SPON1: variants seen among roughly 807,000 people sequenced by gnomAD.
SPON1 encodes the protein spondin-1.
A neutral mutation model predicts 111.7 loss-of-function variants in SPON1; 52 were observed. That is an observed-to-expected ratio of 0.47 (90% CI 0.37 to 0.59). The LOEUF is 0.59. Ranked by LOEUF, SPON1 falls within the 20% of genes least tolerant of loss-of-function variation. SPON1 has a pLI of 0.00. For missense variants in SPON1, 957 were observed against 1,068.5 expected (o/e 0.90, Z 1.46); for synonymous variants, 410 against 395.8 (o/e 1.04, Z -0.43).
chr11:13,993,781 A>G (rs1848250154), intron 2 of SPON1, among the ~76,000 whole-genome samples: 1 of 152,378 alleles, frequency 6.6e-6, no homozygotes, highest in South Asian at 2.1e-4. Context: ...AACTATGAAC[A>G]GGACAGAGCA....
chr11:14,245,015 G>A (rs1443304036), intron 7 of SPON1, among the ~76,000 whole-genome samples: 4 of 152,142 alleles, frequency 2.6e-5, no homozygotes, highest in Non-Finnish European at 5.9e-5. Flanking sequence ...GATGGTTTAC[G>A]AAGAAGCCTT....
At chr11:14,065,044 A>G (rs1158888376) in intron 3 of SPON1, among the ~76,000 whole-genome samples, 2 of 152,128 alleles carry the variant, frequency 1.3e-5, no homozygotes, top group Non-Finnish European at 2.9e-5. Flanking sequence ...ATGGTCTATG[A>G]GGTCCTAGCT....
intron 5 of SPON1, among the ~76,000 whole-genome samples, chr11:14,132,999 A>G (rs1847545051): frequency 1.3e-5 from 2 of 152,348 alleles, no homozygotes; most frequent in South Asian, 4.1e-4. Context: ...AAGTAATTGA[A>G]TTTAACCAAG....
intron 4 of SPON1, among the ~76,000 whole-genome samples, chr11:14,076,610 T>C (rs1366300345): frequency 1.3e-5 from 2 of 152,186 alleles, no homozygotes; most frequent in Non-Finnish European, 2.9e-5. Context: ...AGGCTGGGTT[T>C]GAAGTCAGGA....
At chr11:13,980,889 T>C (rs146641235) in intron 1 of SPON1, among the ~76,000 whole-genome samples, 2 of 152,298 alleles carry the variant, frequency 1.3e-5, no homozygotes, top group South Asian at 2.1e-4. Flanking sequence ...GATTTTATGA[T>C]CTTAGGTGTG....
At chr11:13,969,985 T>C (rs900625986) in intron 1 of SPON1, among the ~76,000 whole-genome samples, 1 of 152,240 alleles carries the variant, frequency 6.6e-6, no homozygotes, top group Non-Finnish European at 1.5e-5. Flanking sequence ...CTCAGGCACA[T>C]GCATGCATTG....
chr11:14,025,413 G>A (rs1163476573), intron 2 of SPON1, among the ~76,000 whole-genome samples: 1 of 152,224 alleles, frequency 6.6e-6, no homozygotes, highest in African/African-American at 2.4e-5. Context: ...CCAAAAGTAA[G>A]CAAGGTAGAA....
chr11:14,077,767 G>A (rs1307129410), intron 4 of SPON1, among the ~76,000 whole-genome samples: 2 of 151,504 alleles, frequency 1.3e-5, no homozygotes, highest in Non-Finnish European at 2.9e-5. Context: ...TTACAGGCAT[G>A]AGCTACCGTG....
intron 6 of SPON1, among the ~76,000 whole-genome samples, chr11:14,173,607 C>T (rs12578038): frequency 0.18 from 26,974 of 151,970 alleles, 2,523 homozygotes; most frequent in Admixed American, 0.24. Flanking sequence ...CTCTGTTTTT[C>T]CCCCATCTTT....
chr11:14,178,995 C>T (rs1371384420), intron 6 of SPON1, among the ~76,000 whole-genome samples: 1 of 152,216 alleles, frequency 6.6e-6, no homozygotes, highest in Non-Finnish European at 1.5e-5. Flanking sequence ...ATTACATCTA[C>T]AAGAGTGCAG....
At chr11:14,079,874 T>C (rs1564900112) in intron 4 of SPON1, 25 bp from the exon 5 acceptor site, 3 of 1,613,858 alleles carry the variant, frequency 1.9e-6, no homozygotes, top group Non-Finnish European at 2.5e-6. Flanking sequence ...ACTTTCTAAC[T>C]TGGTGACTTT....
At chr11:14,166,929 G>A (rs568898386) in intron 6 of SPON1, among the ~76,000 whole-genome samples, 7 of 151,972 alleles carry the variant, frequency 4.6e-5, no homozygotes, top group South Asian at 2.1e-4. Context: ...AAAGAGGACC[G>A]AAACAAGACA....
intron 1 of SPON1, among the ~76,000 whole-genome samples, chr11:13,966,916 A>G (rs1848022050): frequency 1.3e-5 from 2 of 152,242 alleles, no homozygotes; most frequent in South Asian, 4.1e-4. Context: ...AAATTGTCAC[A>G]CAGTGGTTGC....
intron 5 of SPON1, among the ~76,000 whole-genome samples, chr11:14,109,370 T>C (rs1554925215): frequency 6.6e-6 from 1 of 152,126 alleles, no homozygotes; most frequent in African/African-American, 2.4e-5. Flanking sequence ...CTTACAGAAA[T>C]AAGATTAATA....
At chr11:14,127,460 A>C (rs1245852576) in intron 5 of SPON1, among the ~76,000 whole-genome samples, 1 of 152,242 alleles carries the variant, frequency 6.6e-6, no homozygotes, top group Admixed American at 6.5e-5. Context: ...AGGGAATGTC[A>C]AAGGGCCTTC....
intron 5 of SPON1, among the ~76,000 whole-genome samples, chr11:14,083,077 AT>A (rs1230950441): frequency 6.6e-6 from 1 of 152,228 alleles, no homozygotes; most frequent in Non-Finnish European, 1.5e-5. Flanking sequence ...AATATTATTT[AT>A]TTTTAAAATA....
At chr11:14,156,124 T>C (rs1554930373) in intron 6 of SPON1, among the ~76,000 whole-genome samples, 1 of 123,390 alleles carries the variant, frequency 8.1e-6, no homozygotes, top group Non-Finnish European at 1.8e-5. Context: ...TGTAAAAGTG[T>C]TCCTATTTCT....
chr11:14,028,721 G>A (rs775882069), intron 2 of SPON1, among the ~76,000 whole-genome samples: 3 of 152,106 alleles, frequency 2.0e-5, no homozygotes, highest in African/African-American at 4.8e-5. Flanking sequence ...CCCCTTCTGG[G>A]CTCTGTACAC....
chr11:14,048,730 G>A (rs1201041607), intron 3 of SPON1, among the ~76,000 whole-genome samples: 2 of 152,108 alleles, frequency 1.3e-5, no homozygotes, highest in African/African-American at 2.4e-5. Flanking sequence ...AGAAAAAGCC[G>A]CCATGAGTAG....
Sources: allele counts gnomAD v4.1 joint callset (sites outside exome capture counted in the v4.1 genomes callset), GRCh38; gene constraint gnomAD v4.1.1; transcripts MANE v1.5; gene names NCBI Gene and HGNC (gene_info 2026-07-23, HGNC 2026-07-21).